ITSN1: variants seen among roughly 807,000 people sequenced by gnomAD.
ITSN1 encodes intersectin-1.
In ITSN1, 58 loss-of-function variants were observed where a neutral mutation model predicts 239.8. That is an observed-to-expected ratio of 0.24 (90% CI 0.20 to 0.30). The LOEUF is 0.30. ITSN1 is among the 10% of genes least tolerant of loss of function. The pLI is 1.00. For synonymous variants in ITSN1, 780 were observed against 770.8 expected (o/e 1.01, Z -0.20); for missense variants, 1,558 against 2,103.3 (o/e 0.74, Z 5.07).
intron 4 of ITSN1, among the ~76,000 whole-genome samples, chr21:33,731,724 TA>T (rs1288374920): frequency 6.6e-6 from 1 of 152,218 alleles, no homozygotes; most frequent in Non-Finnish European, 1.5e-5. Context: ...ATCGGATTGG[TA>T]ATTACAGATT....
intron 16 of ITSN1, among the ~76,000 whole-genome samples, chr21:33,790,361 G>A (rs1287844648): frequency 6.6e-6 from 1 of 151,584 alleles, no homozygotes; most frequent in African/African-American, 2.4e-5. Flanking sequence ...TTTGTTACAT[G>A]CAGCTACAAT....
At chr21:33,844,242 C>G (rs1465804339) in intron 29 of ITSN1, among the ~76,000 whole-genome samples, 2 of 152,202 alleles carry the variant, frequency 1.3e-5, no homozygotes, top group African/African-American at 2.4e-5. Flanking sequence ...GACCAAAGAC[C>G]AGAGCCTACT....
chr21:33,871,437 CAA>C (rs3835378), intron 33 of ITSN1, among the ~76,000 whole-genome samples: 6 of 146,432 alleles, frequency 4.1e-5, no homozygotes, highest in South Asian at 4.4e-4. Context: ...CTCAAAAAAA[CAA>C]AAAAAAAAAC....
chr21:33,699,629 G>T (rs1351949834), intron 1 of ITSN1, among the ~76,000 whole-genome samples: 1 of 152,338 alleles, frequency 6.6e-6, no homozygotes, highest in South Asian at 2.1e-4. Context: ...TGAGGTAGGA[G>T]GATGGCTTAA....
In ITSN1 at chr21:33,808,801, A is replaced by G. The variant is rs529454059; in HGVS notation, c.2320-2174A>G. ...TGAGACGGTCTAACTGCAGAGCCCT[A>G]TTCTTGATCATTACACTTTGCAGTC... On this transcript the variant is annotated intron_variant, in intron 20 of 39. Transcript: ENST00000381318. 3.9e-5 allele frequency among the ~76,000 whole-genome samples: 6 copies of G among 152,334 alleles called. No homozygotes were observed. The East Asian group carries it at 1.2e-3, about 29-fold the overall frequency.
chr21:33,749,144 A>G (rs1203080802), intron 5 of ITSN1, among the ~76,000 whole-genome samples: 1 of 151,676 alleles, frequency 6.6e-6, no homozygotes, highest in East Asian at 2.0e-4. Context: ...GGGTACCACC[A>G]TGCCTGGCTA....
intron 3 of ITSN1, among the ~76,000 whole-genome samples, chr21:33,722,198 G>C (rs2065528300): frequency 6.6e-6 from 1 of 152,158 alleles, no homozygotes; most frequent in Admixed American, 6.5e-5. Flanking sequence ...GAAGTACCCA[G>C]AATTTGGAGT....
Position 33,888,388 on chromosome 21 carries a change from C to A in ITSN1, c.*88C>A. ...TTGTATTCCTTTTCTAAGAAACCAC[C>A]ATTTGGTATTCAGTCACAGGGATAT... On this transcript the variant is annotated 3_prime_UTR_variant, in exon 40 of 40. Transcript: ENST00000381318. 1 of 1,360,346 alleles carries A rather than the reference C, an allele frequency of 7.4e-7. No individual in the cohort carries two copies. 84.3% of individuals were successfully genotyped at this position (1,360,346 alleles called of 1,614,324 possible). A position where few individuals can be genotyped will look rare whatever the true frequency, so the allele number is the denominator to read the frequency against.
At chr21:33,883,770 G>A in intron 36 of ITSN1, 99 bp downstream of exon 36, 1 of 1,429,664 alleles carries the variant, frequency 7.0e-7, no homozygotes, top group Admixed American at 1.9e-5. Context: ...TTCCCAAGTG[G>A]CAATGCCATC....
In ITSN1 at chr21:33,800,078, C is replaced by T. The variant is rs561677959; in HGVS notation, c.2304+149C>T. The T allele has an allele frequency of 1.6e-4, 110 of 692,740 alleles. 1 individual carries two copies. The African/African-American group carries it at 1.6e-3, about 10-fold the overall frequency. The allele number at this position is 692,740 out of a possible 1,614,324, so 42.9% of individuals were successfully genotyped here. ...ATTTTTAAAGTATAAGCTCAATCTT[C>T]TTTCTTTTCTATTAAAATGAAAGAT... is the stretch of plus-strand genomic sequence containing the variant. On this transcript the variant is annotated intron_variant, in intron 19 of 39. Coordinates refer to ENST00000381318, the MANE Select transcript of ITSN1 (RefSeq NM_003024.3).
rs866424029 is a variant in ITSN1, at chr21:33,743,097, G to C, written c.347-7046G>C. ...AAGAAAAATTCATTCTAGAAATGAG[G>C]ATGCAACTAGAAGCAACACAGGGGA... On this transcript the variant is annotated intron_variant, in intron 5 of 39. Coordinates refer to ENST00000381318, the MANE Select transcript of ITSN1 (RefSeq NM_003024.3). 1.5e-4 allele frequency among the ~76,000 whole-genome samples: 23 copies of C among 152,168 alleles called. 1 individual carries two copies. Among genetic ancestry groups the C allele is most frequent in the Middle Eastern group, 3.2e-3 (1 of 316 alleles).
chr21:33,765,789 G>A, intron 9 of ITSN1, 86 bp from the exon 10 acceptor site: 1 of 1,456,904 alleles, frequency 6.9e-7, no homozygotes, highest in Non-Finnish European at 9.5e-7. Context: ...TGGTCAATAA[G>A]AAAACATAAC....
At chr21:33,781,842 G>T in intron 15 of ITSN1, 152 bp from the exon 16 acceptor site, 1 of 736,044 alleles carries the variant, frequency 1.4e-6, no homozygotes, top group Non-Finnish European at 2.2e-6. Flanking sequence ...GTTCCCCAAA[G>T]TGCTGGGATT....
rs559367684 is a variant in ITSN1, at chr21:33,836,715, T to A, written c.3661+83T>A. 43 of 1,184,372 alleles carry A rather than the reference T, an allele frequency of 3.6e-5. No homozygotes were observed. The South Asian group carries it at 5.4e-4, about 15-fold the overall frequency. 73.4% of individuals were successfully genotyped at this position (1,184,372 alleles called of 1,614,324 possible). ...CAGCATTGCTCTGATTCTGCTGAGC[T>A]TTGTTTGCAGAACTTAAAGCTAGAC... is the stretch of plus-strand genomic sequence containing the variant. On this transcript the variant is annotated intron_variant, in intron 29 of 39. Transcript: ENST00000381318.
rs550066992 is a variant in ITSN1 at position 33,837,353 on chromosome 21, TAAAC to T, written c.3661+725_3661+728del. The T allele has an allele frequency of 2.9e-3, 2,940 of 1,006,172 alleles. 4 individuals are homozygous for T. Among genetic ancestry groups the T allele is most frequent in the Non-Finnish European group, 3.3e-3 (2,757 of 841,016 alleles). The allele number at this position is 1,006,172 out of a possible 1,614,324, so 62.3% of individuals were successfully genotyped here. A position where few individuals can be genotyped will look rare whatever the true frequency, so the allele number is the denominator to read the frequency against. ...TTAAATATATATTTTAGCTTTTTAATAAACAAAATAAATAAATGACTTCTTTGCT... is the reference window on the plus strand; with the variant it reads ...TTAAATATATATTTTAGCTTTTTAATAAAATAAATAAATGACTTCTTTGCT... On this transcript the variant is annotated intron_variant, in intron 29 of 39. Coordinates refer to ENST00000381318, the MANE Select transcript of ITSN1 (RefSeq NM_003024.3).
At chr21:33,881,495 G>A (rs1161532676) in intron 34 of ITSN1, among the ~76,000 whole-genome samples, 1 of 152,070 alleles carries the variant, frequency 6.6e-6, no homozygotes, top group Non-Finnish European at 1.5e-5. Flanking sequence ...GCCTTGGAAG[G>A]CAGCATTTGT....
At chr21:33,713,664 G>A (rs1035667044) in intron 1 of ITSN1, among the ~76,000 whole-genome samples, 13 of 152,076 alleles carry the variant, frequency 8.5e-5, no homozygotes, top group Admixed American at 5.2e-4. Context: ...GGTCTGTCCA[G>A]GTAGCATAGA....
intron 9 of ITSN1, among the ~76,000 whole-genome samples, chr21:33,765,390 G>A (rs970118157): frequency 1.3e-5 from 2 of 152,148 alleles, no homozygotes; most frequent in Non-Finnish European, 2.9e-5. Context: ...TCTCACGTTT[G>A]GGAGGCTGAG....
intron 1 of ITSN1, among the ~76,000 whole-genome samples, chr21:33,701,165 A>G (rs994342748): frequency 2.0e-5 from 3 of 152,190 alleles, no homozygotes; most frequent in Non-Finnish European, 4.4e-5. Flanking sequence ...TGGAACATTT[A>G]TAAATGGATT....
Sources: gnomAD v4.1 joint callset for allele counts (sites outside exome capture counted in the v4.1 genomes callset) on GRCh38, gnomAD v4.1.1 for gene constraint, MANE v1.5 for transcripts, NCBI Gene and HGNC (gene_info 2026-07-23, HGNC 2026-07-21) for gene names.